The following ROS1 variants were observed in gnomAD, a reference collection of about 807,000 sequenced individuals.
ROS1 encodes the protein ROS proto-oncogene 1, receptor tyrosine kinase.
Under a neutral mutation model 273.5 loss-of-function variants are expected in ROS1, and 263 were observed. The observed-to-expected ratio is 0.96, with a 90% CI of 0.87 to 1.06. The LOEUF (loss-of-function observed/expected upper bound fraction) is 1.06, where lower values mean the gene tolerates loss of function less well. ROS1 is among the 50% of genes least tolerant of loss of function. The probability of loss-of-function intolerance (pLI) is 0.00; values close to 1 mark genes in which losing one functional copy is unlikely to be tolerated. For missense variants in ROS1, 2,833 were observed against 2,751.1 expected, an observed-to-expected ratio of 1.03 and a Z score of -0.67; for synonymous variants, 1,008 against 954.1, an observed-to-expected ratio of 1.06 and a Z score of -1.04.
In ROS1 at chr6:117,403,216, C is replaced by A. The variant is rs2243380; in HGVS notation, c.527G>T (p.Arg176Leu). 6.2e-7 allele frequency: 1 copy of A among 1,611,718 alleles called. No homozygotes were observed. Among genetic ancestry groups the A allele is most frequent in the Non-Finnish European group, 8.5e-7 (1 of 1,179,438 alleles). The change falls in exon 7 of 44, where the codon CGA becomes CTA. Residue 176 changes from arginine to leucine, a missense_variant. Transcript: ENST00000368507. Reference protein sequence around the residue: ...PLHPFTEYIFRVVWIFTAQLQ... With the variant: ...PLHPFTEYIFLVVWIFTAQLQ... ...CTGCGCTGTGAAGATCCAAACCACT[C>A]GGAAAATGTACTCAGTGAAGGGGTG...
intron 18 of ROS1, among the ~76,000 whole-genome samples, chr6:117,372,737 G>A (rs1352636983): frequency 6.6e-6 from 1 of 152,194 alleles, no homozygotes; most frequent in Non-Finnish European, 1.5e-5. Context: ...GACCTTCAGG[G>A]TAAGTGTTAC....
chr6:117,361,540 T>A (rs1779803874), intron 22 of ROS1, among the ~76,000 whole-genome samples: 1 of 148,164 alleles, frequency 6.7e-6, no homozygotes, highest in African/African-American at 2.5e-5. Flanking sequence ...AAACTATATA[T>A]CTATATACAT....
intron 17 of ROS1, among the ~76,000 whole-genome samples, chr6:117,381,655 A>G (rs1201485204): frequency 6.6e-6 from 1 of 152,032 alleles, no homozygotes; most frequent in Non-Finnish European, 1.5e-5. Context: ...GTTGATGGGC[A>G]CTTAGGTTGG....
At chr6:117,417,196 T>A (rs1775403310) in intron 2 of ROS1, among the ~76,000 whole-genome samples, 1 of 152,122 alleles carries the variant, frequency 6.6e-6, no homozygotes, top group Admixed American at 6.5e-5. Context: ...TACAAGCACT[T>A]CAGATCCATC....
chr6:117,290,245 C>A (rs950862733), intron 43 of ROS1, among the ~76,000 whole-genome samples: 2 of 152,118 alleles, frequency 1.3e-5, no homozygotes, highest in African/African-American at 4.8e-5. Context: ...CAAATAAATT[C>A]TTTTTGCAAA....
intron 31 of ROS1, 96 bp downstream of exon 31, chr6:117,341,039 A>G (rs1003176569): frequency 2.1e-5 from 16 of 763,112 alleles, no homozygotes; most frequent in Non-Finnish European, 3.4e-5. Context: ...TGTCAAATAT[A>G]TTGTTTATTT....
chr6:117,341,373 A>G, intron 30 of ROS1, 27 bp downstream of exon 30: 2 of 1,611,278 alleles, frequency 1.2e-6, no homozygotes, highest in Non-Finnish European at 1.7e-6. Flanking sequence ...GAATGACAAT[A>G]AAGAGTGCCT....
chr6:117,373,418 G>A (rs986428239), intron 18 of ROS1, among the ~76,000 whole-genome samples: 11 of 152,240 alleles, frequency 7.2e-5, no homozygotes, highest in Admixed American at 1.3e-4. Flanking sequence ...TGCAGGTCCC[G>A]AGCCTTGCCC....
At chr6:117,417,285 C>A (rs1775409265) in intron 2 of ROS1, among the ~76,000 whole-genome samples, 1 of 152,098 alleles carries the variant, frequency 6.6e-6, no homozygotes, top group African/African-American at 2.4e-5. Context: ...TTACATTCTC[C>A]TGAGTTGTCC....
In ROS1 at chr6:117,321,314, C is replaced by T. The variant is rs900769132; in HGVS notation, c.5704G>A (p.Glu1902Lys). 6.2e-7 allele frequency: 1 copy of T among 1,613,806 alleles called. No individual in the cohort carries two copies. The highest frequency in any genetic ancestry group is 8.5e-7 in the Non-Finnish European group (1 of 1,179,830). Residue 1902 changes from glutamate (E) to lysine (K), a missense_variant, in exon 36 of 44, where the codon GAG (glutamate) becomes AAG (lysine). Coordinates refer to ENST00000368507, the MANE Select transcript of ROS1 (RefSeq NM_001378902.1). The part of the protein sequence containing the change: ...VLINEDKELA[E>K]LRGLAAGVGL... ...ACTCCGGCTGCCAGACCTCGCAGCTCAGCCAACTCTTTGTCTTCGTTTATA... is the reference window on the plus strand; with the variant it reads ...ACTCCGGCTGCCAGACCTCGCAGCTTAGCCAACTCTTTGTCTTCGTTTATA...
At chr6:117,343,914 A>C in intron 28 of ROS1, 146 bp downstream of exon 28, 1 of 647,722 alleles carries the variant, frequency 1.5e-6, no homozygotes, top group Non-Finnish European at 2.7e-6. Flanking sequence ...ACTAGAACAC[A>C]ATATGTTTTG....
Position 117,324,399 on chromosome 6 carries a change from T to C in ROS1, c.5556A>G (p.Pro1852=). Residue 1852 remains proline (P), a synonymous_variant, in exon 35 of 44, where the codon CCA becomes CCG. Transcript: ENST00000368507. ...TAATAGTAAGTATGAAACTTGTTTC[T>C]GGTATCCAAAAATCATCTAATAATA... ...IILVGDDFWI[P]ETSFILTIIV... The C allele has an allele frequency of 6.8e-7, 1 of 1,467,088 alleles. No homozygotes were observed. Among genetic ancestry groups the C allele is most frequent in the Non-Finnish European group, 9.5e-7 (1 of 1,058,162 alleles). 90.9% of individuals were successfully genotyped at this position (1,467,088 alleles called of 1,614,324 possible).
At chr6:117,388,092 G>T in intron 13 of ROS1, 100 bp from the exon 14 acceptor site, 1 of 1,560,000 alleles carries the variant, frequency 6.4e-7, no homozygotes, top group Non-Finnish European at 8.7e-7. Flanking sequence ...TCTCAAATGG[G>T]AGAGCAATTG....
At chr6:117,424,533 C>A (rs1489140868) in intron 1 of ROS1, among the ~76,000 whole-genome samples, 1 of 151,786 alleles carries the variant, frequency 6.6e-6, no homozygotes, top group Non-Finnish European at 1.5e-5. Flanking sequence ...TCCATTCTTC[C>A]ATTTTTAAGT....
chr6:117,390,987 A>T (rs1773022219), intron 12 of ROS1, among the ~76,000 whole-genome samples: 1 of 152,338 alleles, frequency 6.6e-6, no homozygotes, highest in South Asian at 2.1e-4. Context: ...AAAGGTGCTA[A>T]CAGAAGTATA....
rs1776087355 is a variant in ROS1 at position 117,425,674 on chromosome 6, A to C, written c.-18T>G. 6.2e-7 allele frequency: 1 copy of C among 1,609,694 alleles called. No homozygotes were observed. The highest frequency in any genetic ancestry group is 1.1e-5 in the South Asian group (1 of 89,796). On this transcript the variant is annotated 5_prime_UTR_variant, in exon 1 of 44. Transcript: ENST00000368507. The stretch of plus-strand genomic sequence containing the variant: ...TTCTTCATCACTTCACCAATGGCAG[A>C]TTTTTAGATGGCCGGTCTAATTTTC...
chr6:117,357,871 G>T lies in ROS1; in HGVS notation c.3772C>A (p.Pro1258Thr). Residue 1258 changes from proline to threonine, a missense_variant, in exon 25 of 44, where the codon CCC (proline) becomes ACC (threonine). Coordinates refer to ENST00000368507, the MANE Select transcript of ROS1 (RefSeq NM_001378902.1). ...CTATTGTGAATCTTCACCTCTCTGGGATATTTCACCTTGTGTTCAAGATCA... is the reference window on the plus strand; with the variant it reads ...CTATTGTGAATCTTCACCTCTCTGGTATATTTCACCTTGTGTTCAAGATCA... ...DVDLEHKVKY[P>T]REVKIHNRNS... is the part of the protein sequence containing the mutation. The T allele has an allele frequency of 6.2e-7, 1 of 1,613,516 alleles. No homozygotes were observed.
intron 8 of ROS1, 27 bp from the exon 9 acceptor site, chr6:117,396,291 G>A (rs769780146): frequency 3.4e-5 from 51 of 1,494,794 alleles, no homozygotes; most frequent in South Asian, 6.8e-5. Flanking sequence ...TTGGAGAGAC[G>A]TGTTTCACAT....
chr6:117,341,353 T>C (rs1209192039), intron 30 of ROS1, 42 bp from the exon 31 acceptor site: 25 of 1,612,066 alleles, frequency 1.6e-5, no homozygotes, highest in Non-Finnish European at 2.1e-5. Context: ...TTTGAGAGCC[T>C]TGCACTTGAG....
Sources: gnomAD v4.1 joint callset for allele counts (sites outside exome capture counted in the v4.1 genomes callset) on GRCh38, gnomAD v4.1.1 for gene constraint, MANE v1.5 for transcripts, NCBI Gene and HGNC (gene_info 2026-07-23, HGNC 2026-07-21) for gene names.